The following COLGALT1 variants were observed in gnomAD, a reference collection of about 807,000 sequenced individuals.
COLGALT1 encodes collagen beta(1-O)galactosyltransferase 1, also known as procollagen galactosyltransferase 1.
Under a neutral mutation model 60.8 loss-of-function variants are expected in COLGALT1, and 43 were observed. The observed-to-expected ratio is 0.71, with a 90% CI of 0.55 to 0.91. The LOEUF (loss-of-function observed/expected upper bound fraction) is 0.91, where lower values mean the gene tolerates loss of function less well. Ranked by LOEUF, COLGALT1 falls within the 40% of genes least tolerant of loss-of-function variation. COLGALT1 has a pLI of 0.00. For missense variants in COLGALT1, 845 were observed against 880.0 expected (o/e 0.96, Z 0.50); for synonymous variants, 369 against 374.2 (o/e 0.99, Z 0.16).
chr19:17,575,505 A>G (rs1203419293), intron 6 of COLGALT1, among the ~76,000 whole-genome samples: 1 of 152,152 alleles, frequency 6.6e-6, no homozygotes, highest in Non-Finnish European at 1.5e-5. Context: ...TCGGCCTCCC[A>G]AAGTGCTGGG....
At chr19:17,567,171 G>A (rs62119896) in intron 3 of COLGALT1, among the ~76,000 whole-genome samples, 2,087 of 152,282 alleles carry the variant, frequency 0.014, 26 homozygotes, top group Middle Eastern at 0.024. Flanking sequence ...TATTTCTCAG[G>A]GCTATCTCAG....
Position 17,564,683 on chromosome 19 carries a change from C to T in COLGALT1, c.490-2723C>T, listed in dbSNP as rs534209644. Among the ~76,000 whole-genome samples, 3 of 152,214 alleles carry T rather than the reference C, an allele frequency of 2.0e-5. No individual in the cohort carries two copies. In the South Asian group the frequency reaches 6.2e-4, roughly 32 times the overall value. ...TCACCTGCCTCAGCCTCCCAAAGTG[C>T]TAGGATTGCAGGCGTGAGCCACCGC... On this transcript the variant is annotated intron_variant, in intron 3 of 11. Transcript: ENST00000252599.
At chr19:17,572,707 G>A in intron 6 of COLGALT1, 105 bp downstream of exon 6, 1 of 1,514,548 alleles carries the variant, frequency 6.6e-7, no homozygotes, top group East Asian at 2.3e-5. Context: ...GCAGATGCAA[G>A]TCCCTGTGGG....
chr19:17,577,126 G>A lies in COLGALT1; in HGVS notation c.950-69G>A. Reference sequence around the variant, plus strand: ...CTGACTGGGAGCCATGGAGTGGGTGGGGAAAGCGTGTTGGAGAGAGGCTGG... The same window carrying A: ...CTGACTGGGAGCCATGGAGTGGGTGAGGAAAGCGTGTTGGAGAGAGGCTGG... On this transcript the variant is annotated intron_variant, in intron 6 of 11. Transcript: ENST00000252599. 3 of 1,501,480 alleles carry A rather than the reference G, an allele frequency of 2.0e-6. No homozygotes were observed. In the South Asian group the frequency reaches 3.4e-5, roughly 17 times the overall value. 93.0% of individuals were successfully genotyped at this position (1,501,480 alleles called of 1,614,324 possible).
Position 17,581,263 on chromosome 19 carries a change from G to A in COLGALT1, c.1688G>A (p.Gly563Glu), listed in dbSNP as rs1353362356. 1.2e-6 allele frequency: 2 copies of A among 1,612,070 alleles called. No homozygotes were observed. The highest frequency in any genetic ancestry group is 1.1e-5 in the South Asian group (1 of 91,050). The change falls in exon 12 of 12, where the codon GGA (glycine) becomes GAA (glutamate). Residue 563 changes from glycine to glutamate, a missense_variant. Gly to Glu is a moderately conservative substitution (Grantham distance 98). Coordinates refer to ENST00000252599, the MANE Select transcript of COLGALT1 (RefSeq NM_024656.4). ...CTCATCTACCCCACACACTACACAG[G>A]AGACGATGGCTATGTGAGTGACACC... ...PLLIYPTHYT[G>E]DDGYVSDTET... is the part of the protein sequence containing the mutation.
At chr19:17,563,364 T>C (rs2076260570) in intron 3 of COLGALT1, among the ~76,000 whole-genome samples, 1 of 151,006 alleles carries the variant, frequency 6.6e-6, no homozygotes, top group African/African-American at 2.4e-5. Flanking sequence ...CTATTTTTTT[T>C]TTTGTGACGG....
chr19:17,569,370 C>T (rs1028180176), intron 5 of COLGALT1, among the ~76,000 whole-genome samples: 1 of 151,992 alleles, frequency 6.6e-6, no homozygotes, highest in Non-Finnish European at 1.5e-5. Context: ...GAACCCGTTA[C>T]ACAATTTTCC....
chr19:17,578,785 C>T (rs189261748), intron 9 of COLGALT1, among the ~76,000 whole-genome samples: 6 of 152,004 alleles, frequency 3.9e-5, no homozygotes, highest in East Asian at 1.9e-4. Context: ...CCGAGGCAGG[C>T]GGATCACCTT....
Position 17,582,201 on chromosome 19 carries a change from G to A in COLGALT1, c.*757G>A, listed in dbSNP as rs2076388275. The A allele has an allele frequency of 6.6e-6, 1 of 151,896 alleles. No homozygotes were observed. Among genetic ancestry groups the A allele is most frequent in the African/African-American group, 2.4e-5 (1 of 41,306 alleles). The allele number at this position is 151,896 out of a possible 1,614,324, so 9.4% of individuals were successfully genotyped here. A position where few individuals can be genotyped will look rare whatever the true frequency, so the allele number is the denominator to read the frequency against. ...TAGGGTTACAGGCATGAGCCACTGT[G>A]CCCAGCCCAGGCTCTGGGAATATTG... On this transcript the variant is annotated 3_prime_UTR_variant, in exon 12 of 12. Coordinates refer to ENST00000252599, the MANE Select transcript of COLGALT1 (RefSeq NM_024656.4).
In COLGALT1 at chr19:17,572,506, A is replaced by C. The variant is rs367624139; in HGVS notation, c.853A>C (p.Lys285Gln). Reference sequence around the variant, plus strand: ...AGAGGTTCAGATGTATGTGTGCAACAAGGAGGAGTACGGATTCTTGCCAGT... The same window carrying C: ...AGAGGTTCAGATGTATGTGTGCAACCAGGAGGAGTACGGATTCTTGCCAGT... ...QAEVQMYVCN[K>Q]EEYGFLPVPL... The change falls in exon 6 of 12, where the codon AAG becomes CAG. Residue 285 changes from lysine (K) to glutamine (Q), a missense_variant. Lys to Gln is a moderately conservative substitution (Grantham distance 53, BLOSUM62 1). Coordinates refer to ENST00000252599, the MANE Select transcript of COLGALT1 (RefSeq NM_024656.4). 1.9e-6 allele frequency: 3 copies of C among 1,614,028 alleles called. No homozygotes were observed. In the African/African-American group the frequency reaches 4.0e-5, roughly 22 times the overall value.
intron 8 of COLGALT1, 25 bp from the exon 9 acceptor site, chr19:17,577,932 G>A (rs534482948): frequency 4.2e-5 from 67 of 1,587,200 alleles, no homozygotes; most frequent in South Asian, 3.9e-4. Flanking sequence ...AACCTTCTTC[G>A]TGACCCTCTC....
In COLGALT1 at chr19:17,577,021, G is replaced by T. The variant is rs1357894477; in HGVS notation, c.950-174G>T. 25 of 628,950 alleles carry T rather than the reference G, an allele frequency of 4.0e-5. No individual in the cohort carries two copies. The East Asian group carries it at 6.6e-4, about 17-fold the overall frequency. The allele number at this position is 628,950 out of a possible 1,614,324, so 39.0% of individuals were successfully genotyped here. A position where few individuals can be genotyped will look rare whatever the true frequency, so the allele number is the denominator to read the frequency against. ...CCAGGGCTTTGGGCTGCTGTGCAGGGTTCAAATGACATGGGAGGGGCTCCT... is the reference window on the plus strand; with the variant it reads ...CCAGGGCTTTGGGCTGCTGTGCAGGTTTCAAATGACATGGGAGGGGCTCCT... On this transcript the variant is annotated intron_variant, in intron 6 of 11. Transcript: ENST00000252599.
chr19:17,577,007 G>GGGCCTGGGGTGTGGCCAGGGCTCTGC, intron 6 of COLGALT1, 188 bp from the exon 7 acceptor site: 1 of 361,450 alleles, frequency 2.8e-6, no homozygotes, highest in Non-Finnish European at 5.1e-6. Flanking sequence ...CAGGGCTTTG[G>GGGCCTGGGGTGTGGCCAGGGCTCTGC]GCTGCTGTGC....
chr19:17,559,229 A>G (rs2076233674), intron 1 of COLGALT1, 82 bp from the exon 2 acceptor site: 1 of 922,734 alleles, frequency 1.1e-6, no homozygotes, highest in Non-Finnish European at 1.7e-6. Context: ...CCAGTTGGGG[A>G]TGGTGGTCCT....
intron 9 of COLGALT1, 50 bp downstream of exon 9, chr19:17,578,139 C>T (rs756914864): frequency 1.1e-5 from 17 of 1,495,886 alleles, no homozygotes; most frequent in South Asian, 9.3e-5. Flanking sequence ...TAGATCTCAT[C>T]GGAGATTTGG....
At position 17,567,484 on chromosome 19, in the gene COLGALT1, C is replaced by G. The variant is rs768204073; in HGVS notation, c.568C>G (p.Pro190Ala). 6.2e-7 allele frequency: 1 copy of G among 1,614,012 alleles called. No homozygotes were observed. Among genetic ancestry groups the G allele is most frequent in the Admixed American group, 1.7e-5 (1 of 59,988 alleles). Residue 190 changes from proline to alanine, a missense_variant, in exon 4 of 12, where the codon CCC (proline) becomes GCC (alanine). Transcript: ENST00000252599. ...LIAENKTVVA[P>A]MLDSRAAYSN... ...CGCTGAGAACAAGACGGTGGTCGCC[C>G]CCATGCTGGATTCCCGGGCTGCGTA...
At chr19:17,562,387 G>A (rs1004951355) in intron 3 of COLGALT1, among the ~76,000 whole-genome samples, 12 of 152,148 alleles carry the variant, frequency 7.9e-5, no homozygotes, top group Non-Finnish European at 1.2e-4. Flanking sequence ...TGTGGACCAG[G>A]CGCGGTGGCT....
In COLGALT1 at chr19:17,578,026, C is replaced by T. The variant is rs766228746; in HGVS notation, c.1203C>T (p.His401=). The change falls in exon 9 of 12, where the codon CAC becomes CAT. Residue 401 remains histidine (H), a synonymous_variant. Transcript: ENST00000252599. ...TGCCTGGCTACCGGGACCCCTACCA[C>T]GGCCGGCCCCTCACCAAGGGTGAGC... The part of the protein sequence containing the change: ...QMLPGYRDPY[H]GRPLTKGELG... 2.5e-6 allele frequency: 4 copies of T among 1,611,276 alleles called. No individual in the cohort carries two copies. The highest frequency in any genetic ancestry group is 1.7e-5 in the Admixed American group (1 of 59,620).
At chr19:17,576,396 G>C (rs1568480480) in intron 6 of COLGALT1, among the ~76,000 whole-genome samples, 1 of 152,038 alleles carries the variant, frequency 6.6e-6, no homozygotes, top group Non-Finnish European at 1.5e-5. Context: ...ATTTCAAGCA[G>C]GGATCCAGCA....
Sources: allele counts gnomAD v4.1 joint callset (sites outside exome capture counted in the v4.1 genomes callset), GRCh38; gene constraint gnomAD v4.1.1; transcripts MANE v1.5; gene names NCBI Gene and HGNC (gene_info 2026-07-23, HGNC 2026-07-21).